Variants in DSN1 observed in about 807,000 individuals in gnomAD.
DSN1 encodes the protein kinetochore-associated protein DSN1 homolog.
In DSN1, 31 loss-of-function variants were observed where a neutral mutation model predicts 45.7. The ratio of observed to expected loss-of-function variants is 0.68; its 90% CI spans 0.51 to 0.92. The LOEUF is 0.92. Ranked by LOEUF, DSN1 falls within the 40% of genes least tolerant of loss-of-function variation. DSN1 has a pLI of 0.00. For missense variants in DSN1, 394 were observed against 414.2 expected (o/e 0.95, Z 0.42); for synonymous variants, 134 against 142.3 (o/e 0.94, Z 0.41).
At chr20:36,754,905 C>T in intron 9 of DSN1, 55 bp from the exon 10 acceptor site, 2 of 1,495,202 alleles carry the variant, frequency 1.3e-6, no homozygotes, top group Non-Finnish European at 1.9e-6. Context: ...TTGGATGTTC[C>T]TCAAACCTGA....
At chr20:36,758,763 C>T in intron 6 of DSN1, 146 bp from the exon 7 acceptor site, 1 of 670,540 alleles carries the variant, frequency 1.5e-6, no homozygotes, top group Non-Finnish European at 2.4e-6. Flanking sequence ...TCTTGGCTCT[C>T]TGCAACCTCT....
intron 1 of DSN1, 72 bp from the exon 2 acceptor site, chr20:36,771,545 A>T: frequency 7.0e-7 from 1 of 1,429,802 alleles, no homozygotes; most frequent in South Asian, 1.2e-5. Flanking sequence ...TTACAGCCCC[A>T]GAATAAATAG....
At chr20:36,756,105 T>A (rs1265747752) in intron 8 of DSN1, among the ~76,000 whole-genome samples, 1 of 151,984 alleles carries the variant, frequency 6.6e-6, no homozygotes, top group African/African-American at 2.4e-5. Context: ...CTCAGCCTCC[T>A]GAGTAGCTGG....
chr20:36,769,902 T>TAC (rs66970744), intron 3 of DSN1, among the ~76,000 whole-genome samples: 21,888 of 116,970 alleles, frequency 0.19, 2,046 homozygotes, highest in East Asian at 0.38. Context: ...TCACTGTAGA[T>TAC]ACACACACAC....
intron 6 of DSN1, among the ~76,000 whole-genome samples, chr20:36,759,116 G>A (rs991950887): frequency 7.2e-5 from 11 of 151,998 alleles, no homozygotes; most frequent in Admixed American, 2.0e-4. Context: ...CAGAGTAGCC[G>A]GGACTACAAG....
Position 36,753,656 on chromosome 20 carries a change from A to G in DSN1, c.962-759T>C, listed in dbSNP as rs376580491. On this transcript the variant is annotated intron_variant, in intron 10 of 10. Coordinates refer to ENST00000373750, the MANE Select transcript of DSN1 (RefSeq NM_001145315.2). ...GTCTCAAAAAAAAAAAAAAAAAAGA[A>G]AAAGAAAGAAAGAAAGAAAGCCAGC... Among the ~76,000 whole-genome samples the G allele has an allele frequency of 5.3e-5, 8 of 150,582 alleles. No homozygotes were observed. The East Asian group carries it at 1.2e-3, about 22-fold the overall frequency.
At chr20:36,769,987 G>A (rs1987557464) in intron 3 of DSN1, among the ~76,000 whole-genome samples, 1 of 149,840 alleles carries the variant, frequency 6.7e-6, no homozygotes, top group Non-Finnish European at 1.5e-5. Flanking sequence ...GGGGGTGGGT[G>A]GGGTGCAGGG....
Position 36,763,885 on chromosome 20 carries a change from CAAA to C in DSN1, c.503-1340_503-1338del, listed in dbSNP as rs148628979. On this transcript the variant is annotated intron_variant, in intron 5 of 10. Coordinates refer to ENST00000373750, the MANE Select transcript of DSN1 (RefSeq NM_001145315.2). ...CTGGCAACAGAGCAAAACTCTGTCT[CAAA>C]AAAAAAAAAAAAAAAAAAAAAAAGA... 1.9e-4 allele frequency among the ~76,000 whole-genome samples: 7 copies of C among 37,458 alleles called. No individual in the cohort carries two copies. In the East Asian group the frequency reaches 4.2e-3, roughly 23 times the overall value. 24.6% of individuals were successfully genotyped at this position (37,458 alleles called of 152,430 possible).
chr20:36,758,131 C>T lies in DSN1; in HGVS notation c.681G>A (p.Gln227=). 1 of 1,614,042 alleles carries T rather than the reference C, an allele frequency of 6.2e-7. No homozygotes were observed. Among genetic ancestry groups the T allele is most frequent in the Non-Finnish European group, 8.5e-7 (1 of 1,179,980 alleles). ...KFSLERQTWD[Q]LLLHYQQEAK... ...CCTCCTGCTGGTAGTGAAGCAAGAGCTGATCCCAAGTCTGACGTTCTAAAG... is the reference window on the plus strand; with the variant it reads ...CCTCCTGCTGGTAGTGAAGCAAGAGTTGATCCCAAGTCTGACGTTCTAAAG... The change falls in exon 8 of 11, where the codon CAG becomes CAA. Residue 227 remains glutamine, a synonymous_variant. Transcript: ENST00000373750.
At chr20:36,771,577 C>G in intron 1 of DSN1, 104 bp from the exon 2 acceptor site, 1 of 996,272 alleles carries the variant, frequency 1.0e-6, no homozygotes, top group Non-Finnish European at 1.5e-6. Flanking sequence ...TCCAGCCTCT[C>G]TGAGCTACCC....
intron 6 of DSN1, among the ~76,000 whole-genome samples, chr20:36,760,658 A>C (rs1986927642): frequency 6.6e-6 from 1 of 152,118 alleles, no homozygotes; most frequent in Non-Finnish European, 1.5e-5. Flanking sequence ...GAGGCCAGGA[A>C]GGGTGGATCA....
intron 8 of DSN1, among the ~76,000 whole-genome samples, chr20:36,757,456 G>A (rs534393974): frequency 6.6e-6 from 1 of 152,260 alleles, no homozygotes; most frequent in African/African-American, 2.4e-5. Context: ...GCAGACACCT[G>A]TAGTCCCAGC....
At position 36,770,986 on chromosome 20, in the gene DSN1, G is replaced by T; in HGVS notation, c.242C>A (p.Ser81Tyr). 3 of 1,614,226 alleles carry T rather than the reference G, an allele frequency of 1.9e-6. No individual in the cohort carries two copies. The highest frequency in any genetic ancestry group is 2.5e-6 in the Non-Finnish European group (3 of 1,180,036). The change falls in exon 3 of 11, where the codon TCT (serine) becomes TAT (tyrosine). Residue 81 changes from serine to tyrosine, a missense_variant. By Grantham distance (144) the Ser-to-Tyr change is moderately radical. Coordinates refer to ENST00000373750, the MANE Select transcript of DSN1 (RefSeq NM_001145315.2). ...ATAACTGGCAGATTGTTCTTGAGGA[G>T]ACAAATGAAGGGACTTCGACTGAAG... ...ERLQSKSLHL[S>Y]PQEQSASYQD...
intron 1 of DSN1, among the ~76,000 whole-genome samples, chr20:36,771,936 A>C (rs1006459368): frequency 2.0e-5 from 3 of 152,256 alleles, no homozygotes; most frequent in Non-Finnish European, 4.4e-5. Flanking sequence ...GCTGGAGTAC[A>C]GTAGCACAAT....
chr20:36,773,559 C>A (rs994682270), intron 1 of DSN1, 103 bp downstream of exon 1: 5 of 985,896 alleles, frequency 5.1e-6, no homozygotes, highest in Non-Finnish European at 6.0e-6. Flanking sequence ...CGAGCTGGGC[C>A]GACGGGTACG....
chr20:36,761,417 C>T (rs940658008), intron 6 of DSN1, among the ~76,000 whole-genome samples: 2 of 152,178 alleles, frequency 1.3e-5, no homozygotes, highest in Non-Finnish European at 2.9e-5. Context: ...ATATCACCAG[C>T]ATCTAAAAGA....
At chr20:36,754,332 C>T (rs1840406079) in intron 10 of DSN1, among the ~76,000 whole-genome samples, 2 of 151,934 alleles carry the variant, frequency 1.3e-5, no homozygotes, top group South Asian at 4.2e-4. Flanking sequence ...AAGCGAGAGA[C>T]TTTGCCCCCC....
At chr20:36,760,746 G>A (rs1010877530) in intron 6 of DSN1, among the ~76,000 whole-genome samples, 1 of 152,038 alleles carries the variant, frequency 6.6e-6, no homozygotes, top group Non-Finnish European at 1.5e-5. Context: ...AAATTAGTTG[G>A]GCGTGGTGGC....
At chr20:36,769,130 T>C (rs1987504172) in intron 3 of DSN1, among the ~76,000 whole-genome samples, 1 of 152,166 alleles carries the variant, frequency 6.6e-6, no homozygotes, top group African/African-American at 2.4e-5. Context: ...TTTTACATAA[T>C]TATGCAACTG....
Sources: allele counts gnomAD v4.1 joint callset (sites outside exome capture counted in the v4.1 genomes callset), GRCh38; gene constraint gnomAD v4.1.1; transcripts MANE v1.5; gene names NCBI Gene and HGNC (gene_info 2026-07-23, HGNC 2026-07-21).